The following UVRAG variants were observed in gnomAD, a reference collection of about 807,000 sequenced individuals.
The protein encoded by UVRAG is UV radiation resistance-associated gene protein.
Under a neutral mutation model 78.0 loss-of-function variants are expected in UVRAG, and 19 were observed. That is an observed-to-expected ratio of 0.24 (90% CI 0.17 to 0.36). UVRAG has a LOEUF of 0.36. UVRAG is among the 10% of genes least tolerant of loss of function. The pLI is 1.00. For missense variants in UVRAG, 740 were observed against 853.8 expected (o/e 0.87, Z 1.66); for synonymous variants, 323 against 324.6 (o/e 1.00, Z 0.05).
intron 7 of UVRAG, among the ~76,000 whole-genome samples, chr11:75,972,432 C>T (rs144428968): frequency 5.3e-5 from 8 of 152,170 alleles, no homozygotes; most frequent in Non-Finnish European, 8.8e-5. Context: ...TAGTCCCTCT[C>T]GCACTCACTC....
chr11:75,989,266 C>A (rs1247217679), intron 8 of UVRAG, among the ~76,000 whole-genome samples: 1 of 151,914 alleles, frequency 6.6e-6, no homozygotes, highest in African/African-American at 2.4e-5. Flanking sequence ...TGTTGTCCAG[C>A]CCGGTCTTGA....
intron 11 of UVRAG, among the ~76,000 whole-genome samples, chr11:76,010,232 A>T (rs1032488047): frequency 1.3e-5 from 2 of 152,238 alleles, no homozygotes; most frequent in Non-Finnish European, 2.9e-5. Context: ...GGGATACAGA[A>T]CATTATTCAT....
intron 1 of UVRAG, among the ~76,000 whole-genome samples, chr11:75,820,289 T>C (rs1394779539): frequency 6.6e-6 from 1 of 152,098 alleles, no homozygotes; most frequent in Non-Finnish European, 1.5e-5. Flanking sequence ...GAAAATTTTA[T>C]ACTTATAGAA....
rs556748716 is a variant in UVRAG at position 76,027,421 on chromosome 11, A to G, written c.1226+10441A>G. On this transcript the variant is annotated intron_variant, in intron 12 of 14. Transcript: ENST00000356136. ...GACATTTGTTTTTTCTCTAAAAGGTATGGTGCAAAATGCATCTCTTTTTTT... is the reference window on the plus strand; with the variant it reads ...GACATTTGTTTTTTCTCTAAAAGGTGTGGTGCAAAATGCATCTCTTTTTTT... 2.6e-5 allele frequency among the ~76,000 whole-genome samples: 4 copies of G among 152,240 alleles called. No homozygotes were observed. The South Asian group carries it at 6.2e-4, about 24-fold the overall frequency.
intron 3 of UVRAG, among the ~76,000 whole-genome samples, chr11:75,862,222 G>A (rs772164647): frequency 1.1e-4 from 16 of 151,858 alleles, no homozygotes; most frequent in Non-Finnish European, 1.6e-4. Flanking sequence ...TATTTCACTC[G>A]CCATATGTCA....
At chr11:76,040,317 CA>C (rs1220651201) in intron 12 of UVRAG, among the ~76,000 whole-genome samples, 3 of 151,136 alleles carry the variant, frequency 2.0e-5, no homozygotes, top group African/African-American at 7.3e-5. Context: ...ACTAAAAATA[CA>C]AAAAATTAGC....
chr11:76,020,218 C>T (rs934169560), intron 12 of UVRAG, among the ~76,000 whole-genome samples: 2 of 152,108 alleles, frequency 1.3e-5, no homozygotes, highest in African/African-American at 4.8e-5. Context: ...CTGGGAGTCA[C>T]ACTTCAGGGC....
At chr11:75,904,996 C>T (rs1947584705) in intron 5 of UVRAG, among the ~76,000 whole-genome samples, 1 of 152,074 alleles carries the variant, frequency 6.6e-6, no homozygotes. Context: ...AGGATTCTAG[C>T]TTTCAGTTGA....
chr11:76,101,276 A>G (rs1253511950), intron 13 of UVRAG, among the ~76,000 whole-genome samples: 3 of 151,854 alleles, frequency 2.0e-5, no homozygotes, highest in Non-Finnish European at 2.9e-5. Flanking sequence ...TTTATTTTTA[A>G]TAATAGCCAT....
chr11:76,101,528 T>C (rs1160026289), intron 13 of UVRAG, among the ~76,000 whole-genome samples: 2 of 152,088 alleles, frequency 1.3e-5, no homozygotes, highest in African/African-American at 4.8e-5. Flanking sequence ...ATTCTGTAGG[T>C]TGTCTGTTTA....
chr11:75,957,069 T>A (rs1212177587), intron 6 of UVRAG, among the ~76,000 whole-genome samples: 2 of 152,176 alleles, frequency 1.3e-5, no homozygotes, highest in Non-Finnish European at 1.5e-5. Flanking sequence ...CTCATTTTTT[T>A]AAAGTCTAAT....
At chr11:75,880,599 C>G (rs1253882957) in intron 4 of UVRAG, among the ~76,000 whole-genome samples, 2 of 152,146 alleles carry the variant, frequency 1.3e-5, no homozygotes, top group Non-Finnish European at 1.5e-5. Flanking sequence ...GTTGCCCAGA[C>G]TGGAGTGCAA....
At chr11:75,946,701 T>C (rs2099856) in intron 6 of UVRAG, among the ~76,000 whole-genome samples, 19,401 of 152,192 alleles carry the variant, frequency 0.13, 2,683 homozygotes, top group African/African-American at 0.35. Flanking sequence ...GTCTGAGGGC[T>C]GCTGTCAGCC....
At chr11:75,923,491 G>A (rs1295162322) in intron 6 of UVRAG, among the ~76,000 whole-genome samples, 1 of 152,096 alleles carries the variant, frequency 6.6e-6, no homozygotes, top group African/African-American at 2.4e-5. Flanking sequence ...TCTCTGGATC[G>A]CTGGGAAGAT....
chr11:75,877,261 A>G (rs950089927), intron 3 of UVRAG, among the ~76,000 whole-genome samples: 7 of 152,164 alleles, frequency 4.6e-5, no homozygotes, highest in African/African-American at 9.7e-5. Flanking sequence ...TTCCACACAG[A>G]CACGGCAACC....
chr11:76,128,667 A>C (rs1952457580), intron 14 of UVRAG, among the ~76,000 whole-genome samples: 4 of 152,088 alleles, frequency 2.6e-5, no homozygotes, highest in Admixed American at 2.6e-4. Flanking sequence ...CTCAGGCTGA[A>C]GTGCAGTGGC....
chr11:75,972,825 G>T (rs936840481), intron 7 of UVRAG, among the ~76,000 whole-genome samples: 2 of 152,050 alleles, frequency 1.3e-5, no homozygotes, highest in Non-Finnish European at 2.9e-5. Context: ...GATTCCACTT[G>T]TTCATTGCTG....
At chr11:76,125,574 C>G (rs941752736) in intron 14 of UVRAG, among the ~76,000 whole-genome samples, 2 of 152,198 alleles carry the variant, frequency 1.3e-5, no homozygotes, top group East Asian at 3.8e-4. Context: ...TGGCCAACAT[C>G]CTTTGTGCAC....
chr11:76,052,716 C>G (rs1311184584), intron 12 of UVRAG, among the ~76,000 whole-genome samples: 1 of 152,078 alleles, frequency 6.6e-6, no homozygotes, highest in East Asian at 1.9e-4. Context: ...TGGTTTTCCT[C>G]ATATCTTTTA....
Sources: gnomAD v4.1 joint callset for allele counts (sites outside exome capture counted in the v4.1 genomes callset) on GRCh38, gnomAD v4.1.1 for gene constraint, MANE v1.5 for transcripts, NCBI Gene and HGNC (gene_info 2026-07-23, HGNC 2026-07-21) for gene names.